SETBP1: variants seen among roughly 807,000 people sequenced by gnomAD.
SETBP1 encodes the protein SET-binding protein.
In SETBP1, 9 loss-of-function variants were observed where a neutral mutation model predicts 101.0. The ratio of observed to expected loss-of-function variants is 0.09; its 90% confidence interval spans 0.05 to 0.16. SETBP1 has a LOEUF of 0.16. Among genes scored for constraint, SETBP1 ranks in the 10% least tolerant of loss-of-function variants. The pLI is 1.00. For missense variants in SETBP1, 1,858 were observed against 2,033.8 expected, an observed-to-expected ratio of 0.91 and a Z score of 1.66; for synonymous variants, 818 against 788.5, an observed-to-expected ratio of 1.04 and a Z score of -0.63.
chr18:44,962,786 A>T (rs2071639070), intron 4 of SETBP1, among the ~76,000 whole-genome samples: 1 of 152,186 alleles, frequency 6.6e-6, no homozygotes. Flanking sequence ...GGCAAGTCCC[A>T]AGAGCTGCCT....
chr18:44,881,032 C>G (rs893856810), intron 3 of SETBP1, among the ~76,000 whole-genome samples: 2 of 152,174 alleles, frequency 1.3e-5, no homozygotes, highest in African/African-American at 4.8e-5. Flanking sequence ...AATCCCTTAA[C>G]AAAAATTCAG....
intron 2 of SETBP1, among the ~76,000 whole-genome samples, chr18:44,863,129 C>A (rs2069051228): frequency 6.6e-6 from 1 of 152,122 alleles, no homozygotes; most frequent in Non-Finnish European, 1.5e-5. Context: ...TCTGTGGTCC[C>A]AATGGATTTG....
chr18:44,904,568 G>A (rs769619441), intron 3 of SETBP1, among the ~76,000 whole-genome samples: 1 of 152,196 alleles, frequency 6.6e-6, no homozygotes, highest in Admixed American at 6.5e-5. Context: ...TCCTGTGATT[G>A]TATTGAAACT....
chr18:45,058,875 T>C (rs1599505911), intron 5 of SETBP1, among the ~76,000 whole-genome samples: 3 of 152,232 alleles, frequency 2.0e-5, no homozygotes, highest in Non-Finnish European at 4.4e-5. Flanking sequence ...TTCATGTTTC[T>C]GTGCCATTAA....
intron 2 of SETBP1, among the ~76,000 whole-genome samples, chr18:44,713,302 AG>A (rs1405572331): frequency 1.3e-5 from 2 of 151,654 alleles, no homozygotes; most frequent in African/African-American, 4.9e-5. Context: ...CAACTCCCTA[AG>A]GCATAGTTAT....
chr18:44,821,909 C>A (rs988344460), intron 2 of SETBP1, among the ~76,000 whole-genome samples: 2 of 152,206 alleles, frequency 1.3e-5, no homozygotes, highest in African/African-American at 2.4e-5. Context: ...AGAGCTGTAC[C>A]CCACATCTGT....
Position 44,865,056 on chromosome 18 carries a change from G to A in SETBP1, c.487-4174G>A, listed in dbSNP as rs112655012. On this transcript the variant is annotated intron_variant, in intron 2 of 5. Transcript: ENST00000649279. ...TCTGAGCAAATCTATCCCAGCTTTAGGGTAGAAATCAGCAGCCAGTTATGT... is the reference window on the plus strand; with the variant it reads ...TCTGAGCAAATCTATCCCAGCTTTAAGGTAGAAATCAGCAGCCAGTTATGT... Among the ~76,000 whole-genome samples the A allele has an allele frequency of 7.3e-3, 1,116 of 152,264 alleles. 14 individuals are homozygous for A. Among genetic ancestry groups the A allele is most frequent in the African/African-American group, 0.026 (1,063 of 41,564 alleles).
In SETBP1 at chr18:44,882,001, T is replaced by G. The variant is rs530206990; in HGVS notation, c.540+12718T>G. On this transcript the variant is annotated intron_variant, in intron 3 of 5. Coordinates refer to ENST00000649279, the MANE Select transcript of SETBP1 (RefSeq NM_015559.3). ...ACATGTAGCTCTGGGCGGAGAGACT[T>G]GCCAAGAGTTCATTAAGCATTAAAT... Among the ~76,000 whole-genome samples the G allele has an allele frequency of 5.9e-5, 9 of 152,222 alleles. No homozygotes were observed. The South Asian group carries it at 1.5e-3, about 25-fold the overall frequency.
chr18:44,791,854 C>T (rs935226934), intron 2 of SETBP1, among the ~76,000 whole-genome samples: 7 of 152,064 alleles, frequency 4.6e-5, no homozygotes, highest in African/African-American at 1.2e-4. Context: ...TCAGCTGAGG[C>T]GGCCGCTTAA....
chr18:44,981,426 A>C (rs1369352687), intron 4 of SETBP1, among the ~76,000 whole-genome samples: 2 of 152,252 alleles, frequency 1.3e-5, no homozygotes, highest in Non-Finnish European at 2.9e-5. Flanking sequence ...GTATCTAAGC[A>C]AACTGAATAA....
At chr18:44,900,616 A>G (rs2070021491) in intron 3 of SETBP1, among the ~76,000 whole-genome samples, 1 of 152,224 alleles carries the variant, frequency 6.6e-6, no homozygotes, top group Admixed American at 6.5e-5. Flanking sequence ...ATGCCACAGA[A>G]CATTAGTTTG....
chr18:45,054,910 T>A (rs1257635016), intron 5 of SETBP1, among the ~76,000 whole-genome samples: 2 of 152,102 alleles, frequency 1.3e-5, no homozygotes, highest in African/African-American at 2.4e-5. Context: ...CAGCATTAAA[T>A]CCCATTCAAG....
At chr18:44,937,958 C>G (rs901273453) in intron 3 of SETBP1, among the ~76,000 whole-genome samples, 2 of 152,324 alleles carry the variant, frequency 1.3e-5, no homozygotes, top group South Asian at 2.1e-4. Flanking sequence ...AATGATCTCT[C>G]ATGTTCTTAT....
chr18:44,891,955 T>TGA (rs1472000066), intron 3 of SETBP1, among the ~76,000 whole-genome samples: 1 of 152,140 alleles, frequency 6.6e-6, no homozygotes, highest in Non-Finnish European at 1.5e-5. Context: ...TCAACAGATA[T>TGA]ATTCATCAAA....
intron 3 of SETBP1, among the ~76,000 whole-genome samples, chr18:44,943,049 A>G (rs138678354): frequency 2.0e-5 from 3 of 152,346 alleles, no homozygotes; most frequent in Non-Finnish European, 4.4e-5. Flanking sequence ...TCATAAGATC[A>G]TGGTACTAAA....
chr18:45,036,734 T>A (rs971605177), intron 4 of SETBP1, among the ~76,000 whole-genome samples: 3 of 152,190 alleles, frequency 2.0e-5, no homozygotes, highest in Non-Finnish European at 4.4e-5. Flanking sequence ...GAGGTAAATG[T>A]CAGCATGACT....
chr18:44,767,311 A>G (rs2070781219), intron 2 of SETBP1, among the ~76,000 whole-genome samples: 1 of 152,110 alleles, frequency 6.6e-6, no homozygotes, highest in African/African-American at 2.4e-5. Context: ...CCCCAAAATA[A>G]TGGCATCCAT....
At chr18:44,894,583 A>G (rs1044900913) in intron 3 of SETBP1, among the ~76,000 whole-genome samples, 1 of 152,176 alleles carries the variant, frequency 6.6e-6, no homozygotes, top group African/African-American at 2.4e-5. Context: ...ATTCCCATTC[A>G]TTATGTCCAC....
intron 2 of SETBP1, among the ~76,000 whole-genome samples, chr18:44,772,742 C>G (rs2070902461): frequency 6.6e-6 from 1 of 152,112 alleles, no homozygotes; most frequent in Admixed American, 6.6e-5. Context: ...TTCTGCACCT[C>G]AGTTTTCTCA....
Sources: gnomAD v4.1 joint callset for allele counts (sites outside exome capture counted in the v4.1 genomes callset) on GRCh38, gnomAD v4.1.1 for gene constraint, MANE v1.5 for transcripts, NCBI Gene and HGNC (gene_info 2026-07-23, HGNC 2026-07-21) for gene names.